The following MACF1 variants were observed in gnomAD, a reference collection of about 807,000 sequenced individuals.
MACF1 encodes microtubule actin crosslinking factor 1.
MACF1 carries 193 observed loss-of-function variants against 854.8 expected under a neutral mutation model. The ratio of observed to expected loss-of-function variants is 0.23; its 90% confidence interval spans 0.20 to 0.25. MACF1 has a LOEUF of 0.25. Among genes scored for constraint, MACF1 ranks in the 10% least tolerant of loss-of-function variants. MACF1 has a pLI of 1.00. For synonymous variants in MACF1, 3,185 were observed against 3,226.7 expected, an observed-to-expected ratio of 0.99 and a Z score of 0.44; for missense variants, 7,722 against 8,929.1, an observed-to-expected ratio of 0.86 and a Z score of 5.45.
intron 1 of MACF1, among the ~76,000 whole-genome samples, chr1:39,225,840 T>A (rs1414897981): frequency 6.6e-6 from 1 of 152,186 alleles, no homozygotes; most frequent in Non-Finnish European, 1.5e-5. Context: ...TGGGTTAAAC[T>A]AGGGATTTAT....
rs1644383819 is a variant in MACF1 at position 39,453,772 on chromosome 1, C to T, written c.20808C>T (p.Val6936=). ...ACTCAGCAGTAGCCATGGGAGAAGT[C>T]ATCCTGGCTGTCTGCCACCCCGATT... ...DVNSAVAMGE[V]ILAVCHPDCI... Residue 6936 remains valine (V), a synonymous_variant, in exon 88 of 101, where the codon GTC becomes GTT. Transcript: ENST00000564288. The T allele has an allele frequency of 6.2e-7, 1 of 1,614,100 alleles. No homozygotes were observed. The highest frequency in any genetic ancestry group is 8.5e-7 in the Non-Finnish European group (1 of 1,179,934).
chr1:39,301,981 C>CTATTTATTTATTTATTTATTTATT lies in MACF1; in HGVS notation c.2635-939_2635-916dup, dbSNP rs139531559. 2.7e-3 allele frequency among the ~76,000 whole-genome samples: 403 copies of CTATTTATTTATTTATTTATTTATT among 150,992 alleles called. 1 individual carries two copies. Among genetic ancestry groups the CTATTTATTTATTTATTTATTTATT allele is most frequent in the Middle Eastern group, 6.8e-3 (2 of 294 alleles). On this transcript the variant is annotated intron_variant, in intron 22 of 100. Coordinates refer to ENST00000564288, the MANE Select transcript of MACF1 (RefSeq NM_001394062.1). ...TATGCTTGTCTGCTTACCACTGTAC[C>CTATTTATTTATTTATTTATTTATT]TATTTATTTATTTATTTATTTATTT...
chr1:39,126,611 C>T (rs1642866309), intron 2 of MACF1, among the ~76,000 whole-genome samples: 1 of 151,788 alleles, frequency 6.6e-6, no homozygotes, highest in Admixed American at 6.6e-5. Flanking sequence ...GTGGTGAAAC[C>T]CTGTCTCTAC....
chr1:39,333,943 A>C lies in MACF1; in HGVS notation c.7355A>C (p.Glu2452Ala), dbSNP rs1324310365. ...LEKASKGRDA[E>A]KTVRERLISL... ...AAAGCTTCCAAAGGTAGAGATGCTG[A>C]AAAAACAGTTAGGGAGAGATTAATT... Residue 2452 changes from glutamate (E) to alanine (A), a missense_variant, in exon 37 of 101, where the codon GAA (glutamate) becomes GCA (alanine). Coordinates refer to ENST00000564288, the MANE Select transcript of MACF1 (RefSeq NM_001394062.1). 1.9e-6 allele frequency: 3 copies of C among 1,614,074 alleles called. No individual in the cohort carries two copies. The highest frequency in any genetic ancestry group is 3.3e-5 in the Admixed American group (2 of 60,004).
At chr1:39,230,294 G>A (rs1300114113) in intron 1 of MACF1, among the ~76,000 whole-genome samples, 10 of 152,204 alleles carry the variant, frequency 6.6e-5, no homozygotes, top group Admixed American at 3.3e-4. Context: ...TCACGTATAT[G>A]TAGAGATGAT....
At chr1:39,386,670 T>A (rs1641807321) in intron 57 of MACF1, among the ~76,000 whole-genome samples, 1 of 152,234 alleles carries the variant, frequency 6.6e-6, no homozygotes, top group South Asian at 2.1e-4. Flanking sequence ...GACCTCGTGA[T>A]CTGCCCGCCT....
chr1:39,223,989 T>C (rs1393933998), intron 1 of MACF1, among the ~76,000 whole-genome samples: 1 of 152,070 alleles, frequency 6.6e-6, no homozygotes, highest in East Asian at 1.9e-4. Context: ...CAAGTTGAGT[T>C]TGAGATGAGC....
chr1:39,326,790 A>C (rs1033081476), intron 35 of MACF1, among the ~76,000 whole-genome samples: 1 of 152,178 alleles, frequency 6.6e-6, no homozygotes, highest in Non-Finnish European at 1.5e-5. Context: ...CAGGTAAATA[A>C]GAATGTGTTA....
chr1:39,164,809 G>A lies in MACF1; in HGVS notation c.221-66373G>A, dbSNP rs534889897. 2.0e-5 allele frequency among the ~76,000 whole-genome samples: 3 copies of A among 152,304 alleles called. No individual in the cohort carries two copies. The South Asian group carries it at 6.2e-4, about 32-fold the overall frequency. ...CCAGCTTAATTTGATAAAATAGGTTGACAAACTTTACTGTGTCAACACACC... is the reference window on the plus strand; with the variant it reads ...CCAGCTTAATTTGATAAAATAGGTTAACAAACTTTACTGTGTCAACACACC... On this transcript the variant is annotated intron_variant, in intron 2 of 93. Transcript: ENST00000361689.
At chr1:39,415,579 T>C (rs756561930) in intron 58 of MACF1, among the ~76,000 whole-genome samples, 24 of 151,236 alleles carry the variant, frequency 1.6e-4, no homozygotes, top group South Asian at 1.0e-3. Context: ...GCCAGGATGG[T>C]CTCAATCTCC....
intron 2 of MACF1, among the ~76,000 whole-genome samples, chr1:39,235,411 G>C (rs1317217939): frequency 6.6e-6 from 1 of 152,262 alleles, no homozygotes; most frequent in South Asian, 2.1e-4. Context: ...AGGAGAATCA[G>C]GCAGGGAGGT....
chr1:39,440,372 C>G (rs1321106168), intron 72 of MACF1, among the ~76,000 whole-genome samples: 1 of 152,076 alleles, frequency 6.6e-6, no homozygotes, highest in Non-Finnish European at 1.5e-5. Flanking sequence ...TCCCAAAGTC[C>G]TGGGATTACA....
At chr1:39,104,243 A>C (rs1355204694) in intron 2 of MACF1, among the ~76,000 whole-genome samples, 1 of 152,230 alleles carries the variant, frequency 6.6e-6, no homozygotes, top group Non-Finnish European at 1.5e-5. Flanking sequence ...TACATTGACC[A>C]GAGTTCTTCA....
intron 2 of MACF1, among the ~76,000 whole-genome samples, chr1:39,095,024 C>CGAAG: frequency 6.6e-6 from 1 of 152,150 alleles, no homozygotes; most frequent in South Asian, 2.1e-4. Context: ...CAGGAATCTT[C>CGAAG]ACGAGTTGTT....
chr1:39,364,581 C>G (rs1376558137), intron 49 of MACF1, among the ~76,000 whole-genome samples: 1 of 151,968 alleles, frequency 6.6e-6, no homozygotes. Flanking sequence ...CAAGCTCTGC[C>G]TCCCGGGTTC....
chr1:39,323,067 C>T (rs1338551347), intron 33 of MACF1, 59 bp downstream of exon 33: 11 of 1,511,176 alleles, frequency 7.3e-6, no homozygotes, highest in South Asian at 4.5e-5. Context: ...TTAGCCAGCA[C>T]GGTGGTGTGT....
At position 39,332,210 on chromosome 1, in the gene MACF1, A is replaced by G. The variant is rs1048235048; in HGVS notation, c.5622A>G (p.Glu1874=). The G allele has an allele frequency of 1.2e-5, 20 of 1,614,036 alleles. No homozygotes were observed. The highest frequency in any genetic ancestry group is 1.6e-5 in the Non-Finnish European group (19 of 1,180,046). The change falls in exon 37 of 101, where the codon GAA becomes GAG. Residue 1874 remains glutamate (E), a synonymous_variant. Coordinates refer to ENST00000564288, the MANE Select transcript of MACF1 (RefSeq NM_001394062.1). ...DALEQGIVST[E]LAHKILSNRQ... is the part of the protein sequence containing the mutation. ...TAGAACAAGGTATTGTGTCTACTGA[A>G]CTAGCACATAAAATCCTTAGTAACC...
At chr1:39,295,197 G>C in intron 19 of MACF1, 47 bp downstream of exon 19, 3 of 1,468,556 alleles carry the variant, frequency 2.0e-6, no homozygotes, top group Non-Finnish European at 1.9e-6. Context: ...AGAGGTTGTT[G>C]TTATAAAAGT....
At position 39,334,440 on chromosome 1, in the gene MACF1, A is replaced by G; in HGVS notation, c.7852A>G (p.Ile2618Val). 1 of 1,614,110 alleles carries G rather than the reference A, an allele frequency of 6.2e-7. No homozygotes were observed. The highest frequency in any genetic ancestry group is 1.1e-5 in the South Asian group (1 of 91,078). ...AVLSPGMMHGIVDPENCRIVP... is the reference protein window; with the variant it reads ...AVLSPGMMHGVVDPENCRIVP... ...ATTGTCTCCAGGAATGATGCATGGC[A>G]TTGTAGATCCCGAGAACTGCAGAAT... Residue 2618 changes from isoleucine to valine, a missense_variant, in exon 37 of 101, where the codon ATT becomes GTT. Coordinates refer to ENST00000564288, the MANE Select transcript of MACF1 (RefSeq NM_001394062.1).
Sources: allele counts gnomAD v4.1 joint callset (sites outside exome capture counted in the v4.1 genomes callset), GRCh38; gene constraint gnomAD v4.1.1; transcripts MANE v1.5; gene names NCBI Gene and HGNC (gene_info 2026-07-23, HGNC 2026-07-21).